Variants in LCLAT1 observed in about 807,000 individuals in gnomAD.
LCLAT1 encodes 1-AGP acyltransferase 8.
A neutral mutation model predicts 30.7 loss-of-function variants in LCLAT1; 11 were observed. The observed-to-expected ratio is 0.36, with a 90% confidence interval of 0.23 to 0.59. The LOEUF (loss-of-function observed/expected upper bound fraction) is 0.59. Among genes scored for constraint, LCLAT1 ranks in the 20% least tolerant of loss-of-function variants. The pLI is 0.77. For missense variants in LCLAT1, 402 were observed against 458.6 expected (o/e 0.88, Z 1.13); for synonymous variants, 155 against 151.3 (o/e 1.02, Z -0.18).
intron 3 of LCLAT1, among the ~76,000 whole-genome samples, chr2:30,545,798 A>G (rs976078824): frequency 6.6e-6 from 1 of 152,178 alleles, no homozygotes; most frequent in Non-Finnish European, 1.5e-5. Flanking sequence ...TTGTGCCAGG[A>G]AATGCATGTG....
In LCLAT1 at chr2:30,641,909, T is replaced by TC. The variant is rs1669333528; in HGVS notation, c.*1290_*1291insC. 1 of 28,194 alleles carries TC rather than the reference T, an allele frequency of 3.5e-5. No individual in the cohort carries two copies. The highest frequency in any genetic ancestry group is 1.5e-3 in the South Asian group (1 of 674). The allele number at this position is 28,194 out of a possible 1,614,324, so 1.7% of individuals were successfully genotyped here. On this transcript the variant is annotated 3_prime_UTR_variant, in exon 6 of 6. Coordinates refer to ENST00000379509, the MANE Select transcript of LCLAT1 (RefSeq NM_001002257.3). ...ACACTTTTTTTTCTTTTTTTTTTTC[T>TC]TTTTTTTTTTGTCGTGTAAGAAGGA...
chr2:30,524,787 A>G (rs2148382547), intron 1 of LCLAT1, among the ~76,000 whole-genome samples: 1 of 152,230 alleles, frequency 6.6e-6, no homozygotes, highest in South Asian at 2.1e-4. Context: ...ATCTCTCACC[A>G]CGCCTAATTT....
chr2:30,571,160 A>G (rs1336457818), intron 5 of LCLAT1, among the ~76,000 whole-genome samples: 1 of 152,214 alleles, frequency 6.6e-6, no homozygotes, highest in Non-Finnish European at 1.5e-5. Context: ...TTAAATTCTG[A>G]ATATAAAGGA....
At chr2:30,619,926 C>T (rs2148515086) in intron 5 of LCLAT1, among the ~76,000 whole-genome samples, 1 of 152,282 alleles carries the variant, frequency 6.6e-6, no homozygotes, top group Middle Eastern at 3.4e-3. Context: ...GCTATATGAG[C>T]ACAAGTTATG....
In LCLAT1 at chr2:30,506,847, TA is replaced by T. The variant is rs2148351547; in HGVS notation, c.-4-18736del. Among the ~76,000 whole-genome samples the T allele has an allele frequency of 3.3e-5, 5 of 152,262 alleles. No individual in the cohort carries two copies. In the South Asian group the frequency reaches 1.0e-3, roughly 32 times the overall value. ...GCAAATTAGCATCTATCCATAGATT[TA>T]AAAGAAATTAATTAGCTCATAAATA... On this transcript the variant is annotated intron_variant, in intron 1 of 5. Transcript: ENST00000379509.
intron 2 of LCLAT1, among the ~76,000 whole-genome samples, chr2:30,525,999 T>G (rs1227710203): frequency 6.6e-6 from 1 of 152,214 alleles, no homozygotes; most frequent in Non-Finnish European, 1.5e-5. Context: ...AAAAAATCTG[T>G]GCATCCTCAG....
chr2:30,561,960 G>T (rs1014816905), intron 3 of LCLAT1, among the ~76,000 whole-genome samples, 186 bp from the exon 4 acceptor site: 1 of 151,986 alleles, frequency 6.6e-6, no homozygotes, highest in Non-Finnish European at 1.5e-5. Context: ...ATCTCTTTTA[G>T]GATATTCTCT....
At chr2:30,451,565 T>A (rs1662941) in intron 1 of LCLAT1, among the ~76,000 whole-genome samples, 28,404 of 137,426 alleles carry the variant, frequency 0.21, 2,943 homozygotes, top group East Asian at 0.34. Flanking sequence ...CTGCAGAACC[T>A]ATTGTACATC....
chr2:30,556,900 A>G (rs915731772), intron 3 of LCLAT1, among the ~76,000 whole-genome samples: 2 of 151,948 alleles, frequency 1.3e-5, no homozygotes, highest in Admixed American at 6.6e-5. Flanking sequence ...GTGCCCCACC[A>G]CGCCCGGCTA....
intron 5 of LCLAT1, among the ~76,000 whole-genome samples, chr2:30,576,315 A>G (rs143842606): frequency 6.6e-5 from 10 of 152,248 alleles, no homozygotes; most frequent in African/African-American, 1.9e-4. Flanking sequence ...TGTTACATAC[A>G]TTGAAATATT....
intron 3 of LCLAT1, among the ~76,000 whole-genome samples, chr2:30,546,278 C>T (rs1331642585): frequency 1.3e-5 from 2 of 152,112 alleles, no homozygotes; most frequent in African/African-American, 4.8e-5. Flanking sequence ...AGTTCAGCCT[C>T]CCAGAATATA....
intron 2 of LCLAT1, among the ~76,000 whole-genome samples, chr2:30,531,763 T>C (rs1014074822): frequency 6.6e-6 from 1 of 152,246 alleles, no homozygotes; most frequent in African/African-American, 2.4e-5. Context: ...ATTTTGAACC[T>C]ATGTTTTATT....
chr2:30,510,634 A>AT (rs1381827914), intron 1 of LCLAT1, among the ~76,000 whole-genome samples: 2 of 152,034 alleles, frequency 1.3e-5, no homozygotes, highest in African/African-American at 4.8e-5. Context: ...GTTCCGGGGA[A>AT]TTTTTTTGAG....
chr2:30,629,385 C>T (rs1049665730), intron 5 of LCLAT1, among the ~76,000 whole-genome samples: 5 of 151,986 alleles, frequency 3.3e-5, no homozygotes, highest in Admixed American at 6.5e-5. Context: ...CGTGGCGAAA[C>T]CCTGTCTCTA....
chr2:30,561,494 G>A (rs1412934004), intron 3 of LCLAT1, among the ~76,000 whole-genome samples: 1 of 152,108 alleles, frequency 6.6e-6, no homozygotes, highest in Non-Finnish European at 1.5e-5. Flanking sequence ...CTGGGGAGAT[G>A]GCTGGTCATC....
At chr2:30,514,390 C>G (rs1055935812) in intron 1 of LCLAT1, among the ~76,000 whole-genome samples, 1 of 152,142 alleles carries the variant, frequency 6.6e-6, no homozygotes, top group Non-Finnish European at 1.5e-5. Context: ...GACAGTTGGC[C>G]AGAGTCATTA....
chr2:30,570,519 CATT>C (rs1349053446), intron 5 of LCLAT1, among the ~76,000 whole-genome samples: 1 of 152,142 alleles, frequency 6.6e-6, no homozygotes, highest in African/African-American at 2.4e-5. Flanking sequence ...ATATTTATCT[CATT>C]GTGCAAAACT....
intron 1 of LCLAT1, chr2:30,459,605 T>G (rs1682003584): frequency 1.9e-6 from 3 of 1,591,492 alleles, no homozygotes; most frequent in Non-Finnish European, 2.6e-6. Context: ...AAATGGATGA[T>G]GTGATATATG....
At chr2:30,518,182 G>C (rs1685283038) in intron 1 of LCLAT1, among the ~76,000 whole-genome samples, 1 of 152,220 alleles carries the variant, frequency 6.6e-6, no homozygotes, top group Non-Finnish European at 1.5e-5. Context: ...TTTAGAAAAA[G>C]ATGATTTAAC....
Sources: allele counts gnomAD v4.1 joint callset (sites outside exome capture counted in the v4.1 genomes callset), GRCh38; gene constraint gnomAD v4.1.1; transcripts MANE v1.5; gene names NCBI Gene and HGNC (gene_info 2026-07-23, HGNC 2026-07-21).